The following SLCO2A1 variants were observed in gnomAD, a reference collection of about 807,000 sequenced individuals.
The protein encoded by SLCO2A1 is solute carrier organic anion transporter family member 2A1.
A neutral mutation model predicts 71.7 loss-of-function variants in SLCO2A1; 60 were observed. That is an observed-to-expected ratio of 0.84 (90% CI 0.68 to 1.04). The LOEUF (loss-of-function observed/expected upper bound fraction) is 1.04, where lower values mean the gene tolerates loss of function less well. Among genes scored for constraint, SLCO2A1 ranks in the 50% least tolerant of loss-of-function variants. The pLI, the probability that SLCO2A1 is intolerant of heterozygous loss-of-function variation, is 0.00. For missense variants in SLCO2A1, 745 were observed against 813.4 expected (o/e 0.92, Z 1.02); for synonymous variants, 308 against 326.7 (o/e 0.94, Z 0.62).
At chr3:133,959,955 C>A (rs1933995990) in intron 3 of SLCO2A1, among the ~76,000 whole-genome samples, 1 of 151,830 alleles carries the variant, frequency 6.6e-6, no homozygotes, top group African/African-American at 2.4e-5. Flanking sequence ...CCTGTCTCCA[C>A]TAAAAATACA....
At chr3:133,989,713 C>G (rs1355059942) in intron 1 of SLCO2A1, among the ~76,000 whole-genome samples, 1 of 152,234 alleles carries the variant, frequency 6.6e-6, no homozygotes, top group Non-Finnish European at 1.5e-5. Context: ...GAATAACCCC[C>G]TCTGCTTTTA....
chr3:133,945,179 A>C lies in SLCO2A1; in HGVS notation c.1377T>G (p.Cys459Trp), dbSNP rs777446712. The C allele has an allele frequency of 1.2e-6, 2 of 1,614,016 alleles. No homozygotes were observed. The highest frequency in any genetic ancestry group is 1.7e-6 in the Non-Finnish European group (2 of 1,179,996). ...AGAGGTACTCGATTCCATTGTCTCCACAGACCGGGTGGAAGATAGAATCTG... is the reference window on the plus strand; with the variant it reads ...AGAGGTACTCGATTCCATTGTCTCCCCAGACCGGGTGGAAGATAGAATCTG... The part of the protein sequence containing the change: ...SCPDSIFHPV[C>W]GDNGIEYLSP... Residue 459 changes from cysteine (C) to tryptophan (W), a missense_variant, in exon 10 of 14, where the codon TGT becomes TGG. Cys to Trp is a radical substitution (Grantham distance 215). Transcript: ENST00000310926.
At chr3:133,958,218 G>T (rs1024332573) in intron 3 of SLCO2A1, among the ~76,000 whole-genome samples, 2 of 152,186 alleles carry the variant, frequency 1.3e-5, no homozygotes, top group African/African-American at 4.8e-5. Context: ...AACAGATGTT[G>T]GAAGGCCTGG....
chr3:134,011,965 A>G (rs1013553712), intron 1 of SLCO2A1, among the ~76,000 whole-genome samples: 2 of 152,122 alleles, frequency 1.3e-5, no homozygotes, highest in African/African-American at 4.8e-5. Flanking sequence ...ACAAACTTGC[A>G]AGGCCTAGTG....
intron 5 of SLCO2A1, among the ~76,000 whole-genome samples, chr3:133,952,920 T>C (rs1933783193): frequency 6.6e-6 from 1 of 152,220 alleles, no homozygotes; most frequent in Admixed American, 6.5e-5. Flanking sequence ...TGTTATACCC[T>C]CTGGATGTGA....
At chr3:133,946,209 A>AC (rs1421221822) in intron 9 of SLCO2A1, among the ~76,000 whole-genome samples, 2 of 146,584 alleles carry the variant, frequency 1.4e-5, no homozygotes, top group South Asian at 2.2e-4. Context: ...TCCTTCACCC[A>AC]CCAAAGACAG....
At chr3:133,950,513 C>G (rs1933716427) in intron 6 of SLCO2A1, among the ~76,000 whole-genome samples, 1 of 152,176 alleles carries the variant, frequency 6.6e-6, no homozygotes. Flanking sequence ...GCACTGGCCT[C>G]TTCAGATCTC....
At chr3:133,973,449 C>T (rs1282412316) in intron 3 of SLCO2A1, among the ~76,000 whole-genome samples, 3 of 152,212 alleles carry the variant, frequency 2.0e-5, no homozygotes, top group Non-Finnish European at 4.4e-5. Flanking sequence ...GCATGAAGCA[C>T]AGGGAATCAC....
intron 3 of SLCO2A1, among the ~76,000 whole-genome samples, chr3:133,957,469 G>T (rs775157646): frequency 2.6e-5 from 4 of 152,172 alleles, no homozygotes; most frequent in African/African-American, 7.2e-5. Flanking sequence ...CTGGTTTGGG[G>T]GTAGAGCTGG....
At chr3:133,990,295 AT>A in intron 1 of SLCO2A1, among the ~76,000 whole-genome samples, 1 of 152,186 alleles carries the variant, frequency 6.6e-6, no homozygotes, top group Middle Eastern at 3.4e-3. Flanking sequence ...TTTGTCATTG[AT>A]TTTTCTCCTT....
At chr3:134,014,803 G>A (rs1448501999) in intron 1 of SLCO2A1, among the ~76,000 whole-genome samples, 2 of 152,168 alleles carry the variant, frequency 1.3e-5, no homozygotes, top group African/African-American at 4.8e-5. Flanking sequence ...CCAGTTACTG[G>A]ATATGTGGCA....
At position 133,979,670 on chromosome 3, in the gene SLCO2A1, C is replaced by A. The variant is rs564431150; in HGVS notation, c.97-52G>T. On this transcript the variant is annotated intron_variant, in intron 1 of 13. Transcript: ENST00000310926. ...GGTTTCTGGACGACAAGCCCTGGCG[C>A]CCTCCCAGCCATCTGTTAGGGGCCC... 4.5e-6 allele frequency: 7 copies of A among 1,544,174 alleles called. No homozygotes were observed. The East Asian group carries it at 1.6e-4, about 35-fold the overall frequency.
intron 1 of SLCO2A1, among the ~76,000 whole-genome samples, chr3:134,007,251 T>C (rs1358068809): frequency 1.3e-5 from 2 of 152,262 alleles, no homozygotes; most frequent in African/African-American, 2.4e-5. Context: ...GCAGACATTT[T>C]CTCCCATTCT....
At chr3:134,001,419 T>C (rs547890594) in intron 1 of SLCO2A1, among the ~76,000 whole-genome samples, 2 of 152,224 alleles carry the variant, frequency 1.3e-5, no homozygotes, top group Admixed American at 6.5e-5. Context: ...CCTTGTCTAG[T>C]CTTTAGATGG....
At chr3:134,004,472 C>A (rs903843470) in intron 1 of SLCO2A1, among the ~76,000 whole-genome samples, 1 of 152,162 alleles carries the variant, frequency 6.6e-6, no homozygotes, top group Non-Finnish European at 1.5e-5. Context: ...GTAGCTGGGA[C>A]TACAGTCGTG....
At chr3:133,941,502 G>C (rs1464084809) in intron 11 of SLCO2A1, among the ~76,000 whole-genome samples, 2 of 151,946 alleles carry the variant, frequency 1.3e-5, no homozygotes, top group Non-Finnish European at 2.9e-5. Flanking sequence ...TCCAAATCCT[G>C]TGTTTTTGCC....
intron 8 of SLCO2A1, 48 bp from the exon 9 acceptor site, chr3:133,947,493 G>A (rs764773146): frequency 5.4e-6 from 8 of 1,494,558 alleles, no homozygotes; most frequent in Admixed American, 3.9e-5. Context: ...GCCTGGGACT[G>A]CATGTGGGCT....
intron 1 of SLCO2A1, among the ~76,000 whole-genome samples, chr3:134,001,619 G>A (rs948687635): frequency 6.6e-6 from 1 of 152,172 alleles, no homozygotes; most frequent in Non-Finnish European, 1.5e-5. Flanking sequence ...GGGAAAGAGG[G>A]TGAGAAACAT....
chr3:133,992,103 TTAGTTTAGTAC>T (rs1176123057), intron 1 of SLCO2A1, among the ~76,000 whole-genome samples: 2 of 152,228 alleles, frequency 1.3e-5, no homozygotes, highest in Non-Finnish European at 2.9e-5. Flanking sequence ...GACCACTTTT[TTAGTTTAGTAC>T]GCTCAACTTC....
Sources: gnomAD v4.1 joint callset for allele counts (sites outside exome capture counted in the v4.1 genomes callset) on GRCh38, gnomAD v4.1.1 for gene constraint, MANE v1.5 for transcripts, NCBI Gene and HGNC (gene_info 2026-07-23, HGNC 2026-07-21) for gene names.